NCAM2: variants seen among roughly 807,000 people sequenced by gnomAD.
NCAM2 encodes the protein N-CAM-2.
NCAM2 carries 30 observed loss-of-function variants against 98.1 expected under a neutral mutation model. The observed-to-expected ratio is 0.31, with a 90% confidence interval of 0.23 to 0.41. The LOEUF is 0.41. Among genes scored for constraint, NCAM2 ranks in the 10% least tolerant of loss-of-function variants. The pLI is 1.00. For synonymous variants in NCAM2, 368 were observed against 342.4 expected (o/e 1.07, Z -0.83); for missense variants, 867 against 1,005.8 (o/e 0.86, Z 1.87).
chr21:20,998,642 A>C, intron 1 of NCAM2, 24 bp downstream of exon 1: 1 of 1,611,424 alleles, frequency 6.2e-7, no homozygotes, highest in Non-Finnish European at 8.5e-7. Context: ...GCTTTATTGC[A>C]TTTACTTTCC....
chr21:21,291,771 G>A (rs2073305237), intron 4 of NCAM2, among the ~76,000 whole-genome samples: 1 of 151,642 alleles, frequency 6.6e-6, no homozygotes, highest in African/African-American at 2.4e-5. Flanking sequence ...GCACATCTGT[G>A]ATACCTAATC....
chr21:21,285,327 G>A (rs545892758), intron 3 of NCAM2, among the ~76,000 whole-genome samples: 14 of 151,692 alleles, frequency 9.2e-5, no homozygotes, highest in Non-Finnish European at 1.8e-4. Context: ...AAACAAAGTC[G>A]GAACATTCCT....
At chr21:21,263,943 A>C (rs936878639) in intron 1 of NCAM2, among the ~76,000 whole-genome samples, 17 of 152,110 alleles carry the variant, frequency 1.1e-4, no homozygotes, top group Admixed American at 1.1e-3. Flanking sequence ...CTAGGCAAAG[A>C]ATTTATGATG....
At chr21:21,410,786 A>C (rs2076841029) in intron 10 of NCAM2, among the ~76,000 whole-genome samples, 1 of 151,164 alleles carries the variant, frequency 6.6e-6, no homozygotes, top group East Asian at 2.0e-4. Flanking sequence ...AGGAGGGCAG[A>C]TCACAAGGTC....
intron 16 of NCAM2, among the ~76,000 whole-genome samples, chr21:21,528,321 G>T (rs546477397): frequency 2.2e-4 from 34 of 152,260 alleles, no homozygotes; most frequent in Admixed American, 5.9e-4. Context: ...ACAACCCCAA[G>T]AGTGAACCTT....
intron 1 of NCAM2, among the ~76,000 whole-genome samples, chr21:21,279,291 G>A (rs536679360): frequency 3.5e-4 from 53 of 152,204 alleles, no homozygotes; most frequent in Admixed American, 1.2e-3. Flanking sequence ...CTTCACCATT[G>A]GGTTGACTGA....
At chr21:21,208,170 T>C (rs1293308284) in intron 1 of NCAM2, among the ~76,000 whole-genome samples, 1 of 152,176 alleles carries the variant, frequency 6.6e-6, no homozygotes, top group African/African-American at 2.4e-5. Context: ...TTCCAAGATA[T>C]ATTGAAAATA....
intron 5 of NCAM2, among the ~76,000 whole-genome samples, chr21:21,301,671 T>C (rs1217856225): frequency 1.3e-5 from 2 of 149,128 alleles, no homozygotes; most frequent in African/African-American, 5.0e-5. Flanking sequence ...TTACTGAGAA[T>C]GATGGTTTCC....
chr21:21,115,294 T>C (rs536782193), intron 1 of NCAM2, among the ~76,000 whole-genome samples: 1 of 152,212 alleles, frequency 6.6e-6, no homozygotes, highest in Non-Finnish European at 1.5e-5. Flanking sequence ...GGCATTACCC[T>C]TCAGTGTCTT....
At chr21:21,520,285 T>A (rs1473270454) in intron 16 of NCAM2, among the ~76,000 whole-genome samples, 1 of 152,088 alleles carries the variant, frequency 6.6e-6, no homozygotes, top group Non-Finnish European at 1.5e-5. Flanking sequence ...TTTAAAAAAA[T>A]CAAATGATAA....
chr21:21,383,750 A>G (rs1009099415), intron 9 of NCAM2, among the ~76,000 whole-genome samples: 1 of 152,144 alleles, frequency 6.6e-6, no homozygotes, highest in Non-Finnish European at 1.5e-5. Context: ...TGGTATGTCT[A>G]GTGTCTGGAA....
intron 9 of NCAM2, among the ~76,000 whole-genome samples, chr21:21,403,014 C>G (rs2076665492): frequency 6.6e-6 from 1 of 152,060 alleles, no homozygotes; most frequent in African/African-American, 2.4e-5. Flanking sequence ...GAGTTTATAT[C>G]TTCTTATGGC....
chr21:21,192,892 A>G (rs1201980392), intron 1 of NCAM2, among the ~76,000 whole-genome samples: 5 of 152,174 alleles, frequency 3.3e-5, no homozygotes, highest in African/African-American at 1.2e-4. Flanking sequence ...GGTTCAAGAT[A>G]TTATCTGTAC....
At chr21:21,007,881 T>C (rs1568921061) in intron 1 of NCAM2, among the ~76,000 whole-genome samples, 2 of 152,186 alleles carry the variant, frequency 1.3e-5, no homozygotes, top group Admixed American at 6.5e-5. Context: ...GGCCTTATTT[T>C]ACCCAGATGC....
rs189412378 is a variant in NCAM2, at chr21:21,160,413, T to A, written c.56-120165T>A. The stretch of plus-strand genomic sequence containing the variant: ...TTTTACCAATTAGATTTCTAGTGAG[T>A]ATTTGTGTTGTATTACAACTAAATA... On this transcript the variant is annotated intron_variant, in intron 1 of 17. Transcript: ENST00000400546. 2.0e-5 allele frequency among the ~76,000 whole-genome samples: 3 copies of A among 152,140 alleles called. No homozygotes were observed. In the East Asian group the frequency reaches 5.8e-4, roughly 29 times the overall value.
intron 1 of NCAM2, among the ~76,000 whole-genome samples, chr21:21,220,857 G>T (rs140863090): frequency 6.6e-6 from 1 of 152,186 alleles, no homozygotes; most frequent in Non-Finnish European, 1.5e-5. Flanking sequence ...GCCACAGGTG[G>T]CACTAAAGGC....
intron 5 of NCAM2, 65 bp downstream of exon 5, chr21:21,292,306 C>G: frequency 6.7e-7 from 1 of 1,492,276 alleles, no homozygotes; most frequent in Non-Finnish European, 9.1e-7. Context: ...TATTAAATGG[C>G]AACCATGTGA....
intron 9 of NCAM2, among the ~76,000 whole-genome samples, chr21:21,381,064 G>A (rs888472047): frequency 1.3e-5 from 2 of 152,172 alleles, no homozygotes; most frequent in African/African-American, 4.8e-5. Context: ...TTTTTAGGCA[G>A]CATATGATAG....
chr21:21,293,813 G>A (rs2073380758), intron 5 of NCAM2, among the ~76,000 whole-genome samples: 1 of 151,640 alleles, frequency 6.6e-6, no homozygotes, highest in Admixed American at 6.6e-5. Flanking sequence ...AAATATGTAA[G>A]TGTATTTCAT....
Sources: allele counts gnomAD v4.1 joint callset (sites outside exome capture counted in the v4.1 genomes callset), GRCh38; gene constraint gnomAD v4.1.1; transcripts MANE v1.5; gene names NCBI Gene and HGNC (gene_info 2026-07-23, HGNC 2026-07-21).